Variants in CFAP77 observed in about 807,000 individuals in gnomAD.
The protein encoded by CFAP77 is cilia- and flagella-associated protein 77.
CFAP77 carries 25 observed loss-of-function variants against 31.1 expected under a neutral mutation model. The observed-to-expected ratio is 0.80, with a 90% CI of 0.59 to 1.12. CFAP77 has a LOEUF of 1.12. Ranked by LOEUF, CFAP77 falls within the 50% of genes most tolerant of loss-of-function variation. The pLI is 0.00. For missense variants in CFAP77, 377 were observed against 397.3 expected, an observed-to-expected ratio of 0.95 and a Z score of 0.44; for synonymous variants, 151 against 159.9, an observed-to-expected ratio of 0.94 and a Z score of 0.42.
chr9:132,494,949 C>T (rs763359234), intron 1 of CFAP77, among the ~76,000 whole-genome samples: 12 of 152,182 alleles, frequency 7.9e-5, no homozygotes, highest in South Asian at 2.1e-4. Flanking sequence ...TCTTCTCTCA[C>T]GCTTTAAACT....
In CFAP77 at chr9:132,449,894, G is replaced by GTTTT. The variant is rs59697546; in HGVS notation, c.195+39432_195+39435dup. Among the ~76,000 whole-genome samples the GTTTT allele has an allele frequency of 2.4e-3, 361 of 149,854 alleles. 3 individuals carry two copies. The highest frequency in any genetic ancestry group is 5.7e-4 in the Non-Finnish European group (38 of 67,254). On this transcript the variant is annotated intron_variant, in intron 1 of 5. Transcript: ENST00000393216. ...GTTGAATTTCCAGGGATGATTAAGA[G>GTTTT]TTTTTTTGTTTGTTTGTTTGTTTGT...
At chr9:132,442,784 C>T (rs939361720) in intron 1 of CFAP77, among the ~76,000 whole-genome samples, 7 of 152,034 alleles carry the variant, frequency 4.6e-5, no homozygotes, top group Non-Finnish European at 8.8e-5. Context: ...TCAAGCGATC[C>T]TCCCACTTCG....
intron 1 of CFAP77, among the ~76,000 whole-genome samples, chr9:132,459,742 G>A (rs1432990787): frequency 2.9e-5 from 4 of 138,328 alleles, no homozygotes; most frequent in Non-Finnish European, 5.9e-5. Context: ...ATATGTGTGT[G>A]AGTGTGTGTG....
intron 1 of CFAP77, among the ~76,000 whole-genome samples, chr9:132,449,472 A>G (rs544994885): frequency 2.0e-5 from 3 of 151,484 alleles, no homozygotes; most frequent in Non-Finnish European, 4.4e-5. Context: ...TTTCATTAGC[A>G]TAAGGCACCT....
chr9:132,546,006 G>A (rs1027893768), intron 5 of CFAP77, among the ~76,000 whole-genome samples: 2 of 152,122 alleles, frequency 1.3e-5, no homozygotes, highest in African/African-American at 4.8e-5. Flanking sequence ...TAAAATGTGA[G>A]CCCCCCAGGA....
At chr9:132,419,761 A>G (rs1850177381) in intron 1 of CFAP77, among the ~76,000 whole-genome samples, 1 of 152,160 alleles carries the variant, frequency 6.6e-6, no homozygotes, top group Non-Finnish European at 1.5e-5. Context: ...AACACCTACA[A>G]TGTGCAAGGG....
Position 132,410,308 on chromosome 9 carries a change from C to A in CFAP77, c.37C>A (p.Arg13=). ...CAGGAGCTCCGGCCCGGACCTCACG[C>A]GATGGAGGAAGCAGCAGCAGCCTGT... ...EARSSGPDLT[R]WRKQQQPVRR... is the part of the protein sequence containing the mutation. The change falls in exon 1 of 6, where the codon CGA becomes AGA. Residue 13 remains arginine, a synonymous_variant. Coordinates refer to ENST00000393216, the MANE Select transcript of CFAP77 (RefSeq NM_001282957.2). The A allele has an allele frequency of 1.3e-6, 2 of 1,594,232 alleles. No individual in the cohort carries two copies. The highest frequency in any genetic ancestry group is 1.7e-6 in the Non-Finnish European group (2 of 1,171,874).
chr9:132,439,172 G>A (rs1416745232), intron 1 of CFAP77, among the ~76,000 whole-genome samples: 1 of 152,048 alleles, frequency 6.6e-6, no homozygotes, highest in Non-Finnish European at 1.5e-5. Context: ...CACCATGCCC[G>A]GCAGTCAATA....
intron 1 of CFAP77, among the ~76,000 whole-genome samples, chr9:132,425,164 G>T (rs935760377): frequency 6.6e-6 from 1 of 152,124 alleles, no homozygotes; most frequent in Non-Finnish European, 1.5e-5. Flanking sequence ...CTTGTTTTCT[G>T]CCGAAATCTG....
intron 5 of CFAP77, among the ~76,000 whole-genome samples, chr9:132,570,313 G>A (rs1325462683): frequency 6.6e-6 from 1 of 152,248 alleles, no homozygotes; most frequent in Non-Finnish European, 1.5e-5. Flanking sequence ...GTCCAGGTGG[G>A]CACTGGGTAA....
At chr9:132,572,345 T>C (rs1204578309) in intron 5 of CFAP77, 43 bp from the exon 6 acceptor site, 1 of 1,599,438 alleles carries the variant, frequency 6.3e-7, no homozygotes, top group Admixed American at 1.7e-5. Flanking sequence ...TGAGCTACAC[T>C]GAAGTCTCCC....
At chr9:132,547,176 C>G (rs1414148276) in intron 5 of CFAP77, among the ~76,000 whole-genome samples, 1 of 152,208 alleles carries the variant, frequency 6.6e-6, no homozygotes, top group African/African-American at 2.4e-5. Context: ...CCAGGGCAGA[C>G]AGCAAGGCCA....
At chr9:132,513,339 A>C in intron 3 of CFAP77, 1 of 1,545,818 alleles carries the variant, frequency 6.5e-7, no homozygotes, top group Non-Finnish European at 8.7e-7. Context: ...TAGCACGCTA[A>C]CCATCTGGCC....
intron 1 of CFAP77, among the ~76,000 whole-genome samples, chr9:132,471,451 C>G (rs912663294): frequency 6.6e-6 from 1 of 151,998 alleles, no homozygotes; most frequent in Non-Finnish European, 1.5e-5. Context: ...GGACCCCCCC[C>G]CACCGTTGCC....
intron 3 of CFAP77, among the ~76,000 whole-genome samples, chr9:132,531,226 T>G (rs11243819): frequency 0.091 from 13,882 of 152,276 alleles, 727 homozygotes; most frequent in South Asian, 0.13. Context: ...TCTTTCTCTC[T>G]CAGTCTTTTT....
rs562932631 is a variant in CFAP77, at chr9:132,525,268, C to T, written c.525-12333C>T. Among the ~76,000 whole-genome samples the T allele has an allele frequency of 1.5e-4, 23 of 152,254 alleles. 1 individual carries two copies. The South Asian group carries it at 3.9e-3, about 26-fold the overall frequency. On this transcript the variant is annotated intron_variant, in intron 3 of 5. Coordinates refer to ENST00000393216, the MANE Select transcript of CFAP77 (RefSeq NM_001282957.2). The stretch of plus-strand genomic sequence containing the variant: ...CTCCTGACATCAAGTGATCCACCCG[C>T]GTTGGCCTCCTAAAGTGCTGGGATT...
chr9:132,508,183 T>G (rs1193726263), intron 3 of CFAP77, among the ~76,000 whole-genome samples: 1 of 152,120 alleles, frequency 6.6e-6, no homozygotes, highest in Non-Finnish European at 1.5e-5. Flanking sequence ...AGATGACACT[T>G]CATAGACTCC....
intron 1 of CFAP77, among the ~76,000 whole-genome samples, chr9:132,486,016 A>ATG (rs1452765012): frequency 6.1e-5 from 1 of 16,356 alleles, no homozygotes; most frequent in Non-Finnish European, 9.6e-5. Context: ...ATATATATAT[A>ATG]TATATATATA....
At chr9:132,419,326 T>C (rs1850167169) in intron 1 of CFAP77, among the ~76,000 whole-genome samples, 1 of 152,180 alleles carries the variant, frequency 6.6e-6, no homozygotes, top group African/African-American at 2.4e-5. Context: ...ATGTGTGGCA[T>C]TAGTGAGAGG....
Sources: allele counts gnomAD v4.1 joint callset (sites outside exome capture counted in the v4.1 genomes callset), GRCh38; gene constraint gnomAD v4.1.1; transcripts MANE v1.5; gene names NCBI Gene and HGNC (gene_info 2026-07-23, HGNC 2026-07-21).